The following TEAD1 variants were observed in gnomAD, a reference collection of about 807,000 sequenced individuals.
The protein encoded by TEAD1 is transcriptional enhancer factor TEF-1.
TEAD1 carries 9 observed loss-of-function variants against 54.9 expected under a neutral mutation model. That is an observed-to-expected ratio of 0.16 (90% CI 0.10 to 0.29). The LOEUF is 0.29. Ranked by LOEUF, TEAD1 falls within the 10% of genes least tolerant of loss-of-function variation. The pLI is 1.00. For missense variants in TEAD1, 387 were observed against 535.9 expected, an observed-to-expected ratio of 0.72 and a Z score of 2.74; for synonymous variants, 200 against 187.8, an observed-to-expected ratio of 1.07 and a Z score of -0.53.
intron 3 of TEAD1, among the ~76,000 whole-genome samples, chr11:12,766,702 G>A (rs1026346615): frequency 3.3e-5 from 5 of 152,146 alleles, no homozygotes; most frequent in African/African-American, 9.7e-5. Flanking sequence ...TTTGATGTAT[G>A]GATTCTTTTC....
At position 12,942,028 on chromosome 11, in the gene TEAD1, AACTG is replaced by A. The variant is rs1411026753; in HGVS notation, c.*4811_*4814del. On this transcript the variant is annotated 3_prime_UTR_variant, in exon 13 of 13. Coordinates refer to ENST00000527636, the MANE Select transcript of TEAD1 (RefSeq NM_021961.6). Reference sequence around the variant, plus strand: ...CCATTTTTTCTCCAGTTCTATAGGAAACTGACTGCTTGGTGTAAAATCCGAAACT... The same window carrying A: ...CCATTTTTTCTCCAGTTCTATAGGAAACTGCTTGGTGTAAAATCCGAAACT... 1 of 152,628 alleles carries A rather than the reference AACTG, an allele frequency of 6.6e-6. No homozygotes were observed. The highest frequency in any genetic ancestry group is 2.4e-5 in the African/African-American group (1 of 41,470). 9.5% of individuals were successfully genotyped at this position (152,628 alleles called of 1,614,324 possible). A position where few individuals can be genotyped will look rare whatever the true frequency, so the allele number is the denominator to read the frequency against.
At chr11:12,884,554 C>T (rs1388402672) in intron 9 of TEAD1, among the ~76,000 whole-genome samples, 1 of 152,156 alleles carries the variant, frequency 6.6e-6, no homozygotes, top group Non-Finnish European at 1.5e-5. Flanking sequence ...TCCCGTGGGG[C>T]AGAGGGGCTT....
At chr11:12,730,414 G>GTTT (rs1944396214) in intron 2 of TEAD1, among the ~76,000 whole-genome samples, 1 of 98,904 alleles carries the variant, frequency 1.0e-5, no homozygotes, top group Non-Finnish European at 2.0e-5. Context: ...TCCCAGTTGA[G>GTTT]TGTTTTTTTT....
At chr11:12,783,095 G>GTGT (rs1554933010) in intron 3 of TEAD1, among the ~76,000 whole-genome samples, 19 of 121,776 alleles carry the variant, frequency 1.6e-4, no homozygotes, top group African/African-American at 5.7e-4. Context: ...ACCAGGTAAG[G>GTGT]GTTTGTGTGT....
rs78334444 is a variant in TEAD1 at position 12,937,518 on chromosome 11, C to T, written c.*296C>T. ...ATTCCTCGGGAAAGGTGAACCTGAA[C>T]AACCCAAGTCTCTCTCTGCAGAGCC... is the stretch of plus-strand genomic sequence containing the variant. On this transcript the variant is annotated 3_prime_UTR_variant, in exon 13 of 13. Transcript: ENST00000527636. The T allele has an allele frequency of 3.6e-4, 98 of 269,764 alleles. No individual in the cohort carries two copies. Among genetic ancestry groups the T allele is most frequent in the African/African-American group, 1.9e-3 (87 of 45,910 alleles). The allele number at this position is 269,764 out of a possible 1,614,324, so 16.7% of individuals were successfully genotyped here.
intron 10 of TEAD1, among the ~76,000 whole-genome samples, chr11:12,915,362 A>G (rs1481232493): frequency 6.6e-6 from 1 of 152,128 alleles, no homozygotes; most frequent in Admixed American, 6.5e-5. Flanking sequence ...AGGTCTCCAG[A>G]GGACGGAGGT....
chr11:12,875,449 A>G (rs988878855), intron 5 of TEAD1, among the ~76,000 whole-genome samples: 37 of 152,182 alleles, frequency 2.4e-4, no homozygotes, highest in African/African-American at 8.4e-4. Flanking sequence ...CCGTTTCAGG[A>G]TAAGTGGGTC....
At chr11:12,733,587 T>G (rs1944466075) in intron 2 of TEAD1, among the ~76,000 whole-genome samples, 1 of 152,178 alleles carries the variant, frequency 6.6e-6, no homozygotes, top group African/African-American at 2.4e-5. Flanking sequence ...GGTTCTGAGG[T>G]AGACACTTAA....
At chr11:12,878,865 C>A in intron 5 of TEAD1, 1 of 1,271,874 alleles carries the variant, frequency 7.9e-7, no homozygotes. Context: ...ATCCTTTTAA[C>A]AAATTGTTTA....
At chr11:12,697,446 G>A (rs1943609458) in intron 2 of TEAD1, among the ~76,000 whole-genome samples, 1 of 152,186 alleles carries the variant, frequency 6.6e-6, no homozygotes, top group South Asian at 2.1e-4. Flanking sequence ...AAATTTAGAT[G>A]AGACTTGAGA....
At chr11:12,704,172 A>G (rs1208899750) in intron 2 of TEAD1, among the ~76,000 whole-genome samples, 1 of 152,186 alleles carries the variant, frequency 6.6e-6, no homozygotes, top group African/African-American at 2.4e-5. Flanking sequence ...TACCTAGGCT[A>G]GAGGAAGATG....
At chr11:12,694,395 C>T (rs1256740371) in intron 2 of TEAD1, among the ~76,000 whole-genome samples, 3 of 151,448 alleles carry the variant, frequency 2.0e-5, no homozygotes, top group Non-Finnish European at 4.4e-5. Context: ...TCCTTATATA[C>T]AGGGTCCTCT....
chr11:12,751,626 G>A lies in TEAD1; in HGVS notation c.-54-12553G>A, dbSNP rs138185571. Among the ~76,000 whole-genome samples, 33 of 152,194 alleles carry A rather than the reference G, an allele frequency of 2.2e-4. No individual in the cohort carries two copies. The East Asian group carries it at 4.6e-3, about 21-fold the overall frequency. On this transcript the variant is annotated intron_variant, in intron 2 of 12. Coordinates refer to ENST00000527636, the MANE Select transcript of TEAD1 (RefSeq NM_021961.6). ...TGGCTGAAGGGACAGGGGTGGGAGG[G>A]GCTCTCAGTAAATGCTTTTACCACA...
intron 2 of TEAD1, among the ~76,000 whole-genome samples, chr11:12,718,925 A>G (rs1434277053): frequency 6.6e-6 from 1 of 151,806 alleles, no homozygotes; most frequent in Non-Finnish European, 1.5e-5. Flanking sequence ...CTGATGCTTT[A>G]TGTATATCAT....
chr11:12,809,717 ACCACTGGGGG>A (rs1171061438), intron 3 of TEAD1, among the ~76,000 whole-genome samples: 1 of 152,062 alleles, frequency 6.6e-6, no homozygotes, highest in Non-Finnish European at 1.5e-5. Context: ...CCTGTGCTTC[ACCACTGGGGG>A]CTGGCTGGGC....
intron 12 of TEAD1, among the ~76,000 whole-genome samples, chr11:12,935,202 C>A (rs1833071584): frequency 6.6e-6 from 1 of 152,130 alleles, no homozygotes; most frequent in Admixed American, 6.5e-5. Context: ...TGACCTAGTT[C>A]AGGCGGAAGC....
At chr11:12,828,244 C>G (rs2134013394) in intron 3 of TEAD1, 1 of 152,322 alleles carries the variant, frequency 6.6e-6, no homozygotes, top group East Asian at 1.9e-4. Context: ...ATTCATTCTT[C>G]CTCCGTGCAG....
intron 3 of TEAD1, among the ~76,000 whole-genome samples, chr11:12,848,450 A>G (rs1947201151): frequency 6.6e-6 from 1 of 152,208 alleles, no homozygotes; most frequent in Non-Finnish European, 1.5e-5. Flanking sequence ...TTTTGTTCTC[A>G]TTAAACACTT....
chr11:12,894,808 T>C (rs1488810760), intron 9 of TEAD1, among the ~76,000 whole-genome samples: 1 of 152,208 alleles, frequency 6.6e-6, no homozygotes, highest in Non-Finnish European at 1.5e-5. Context: ...TAAAGAAACA[T>C]CATGATTCTT....
Sources: allele counts gnomAD v4.1 joint callset (sites outside exome capture counted in the v4.1 genomes callset), GRCh38; gene constraint gnomAD v4.1.1; transcripts MANE v1.5; gene names NCBI Gene and HGNC (gene_info 2026-07-23, HGNC 2026-07-21).